NEMP2: variants seen among roughly 807,000 people sequenced by gnomAD.
NEMP2 encodes the protein nuclear envelope integral membrane protein 2.
In NEMP2, 53 loss-of-function variants were observed where a neutral mutation model predicts 54.2. The observed-to-expected ratio is 0.98, with a 90% confidence interval of 0.78 to 1.23. NEMP2 has a LOEUF of 1.23. NEMP2 is among the 50% of genes most tolerant of loss of function. The probability of loss-of-function intolerance (pLI) is 0.00; values close to 1 mark genes in which losing one functional copy is unlikely to be tolerated. For synonymous variants in NEMP2, 197 were observed against 190.3 expected, an observed-to-expected ratio of 1.04 and a Z score of -0.29; for missense variants, 455 against 511.3, an observed-to-expected ratio of 0.89 and a Z score of 1.06.
At chr2:190,574,778 T>TACTTCCCTCCCTTCCCTC in the NEMP2 span, among the ~76,000 whole-genome samples, 2 of 105,626 alleles carry the variant, frequency 1.9e-5, no homozygotes, top group African/African-American at 8.6e-5. Flanking sequence ...CTCCCTTCCC[T>TACTTCCCTCCCTTCCCTC]CCTTCCCTCC....
the NEMP2 span, among the ~76,000 whole-genome samples, chr2:190,468,903 C>G: frequency 6.6e-6 from 1 of 151,972 alleles, no homozygotes; most frequent in African/African-American, 2.4e-5. Flanking sequence ...AAATAGAAAA[C>G]AAGGGAGAAA....
At chr2:190,617,730 A>C in the NEMP2 span, among the ~76,000 whole-genome samples, 1 of 152,226 alleles carries the variant, frequency 6.6e-6, no homozygotes, top group South Asian at 2.1e-4. The surrounding 1 kb of genome is among the most constrained non-coding windows in gnomAD (Gnocchi z 5.0). Flanking sequence ...TATATATTTT[A>C]AAAACAAGTT....
chr2:190,492,008 C>T, the NEMP2 span, among the ~76,000 whole-genome samples: 1 of 152,106 alleles, frequency 6.6e-6, no homozygotes, highest in Non-Finnish European at 1.5e-5. The surrounding 1 kb of genome is among the most constrained non-coding windows in gnomAD (Gnocchi z 5.2). Context: ...TACAGAAATG[C>T]AAAATGTTCT....
At chr2:190,556,067 G>A in the NEMP2 span, among the ~76,000 whole-genome samples, 4 of 152,210 alleles carry the variant, frequency 2.6e-5, no homozygotes, top group Middle Eastern at 3.4e-3. Context: ...ACATTGATGC[G>A]AAAATCCTCC....
downstream of NEMP2, chr2:190,499,933 T>C: frequency 1.9e-6 from 3 of 1,594,834 alleles, no homozygotes; most frequent in South Asian, 2.3e-5. This position sits in a 1 kb window ranked among gnomAD's most constrained non-coding sequence, Gnocchi z 6.0. Context: ...CCATGTTTCC[T>C]GTCTTACTTG....
chr2:190,623,235 A>G, the NEMP2 span, among the ~76,000 whole-genome samples: 1 of 152,216 alleles, frequency 6.6e-6, no homozygotes, highest in Non-Finnish European at 1.5e-5. Flanking sequence ...TAAAATGACC[A>G]TACCGCCCAA....
At position 190,527,115 on chromosome 2, in the gene NEMP2, AT is replaced by A. The variant is rs773323535; in HGVS notation, c.98-1738del. Among the ~76,000 whole-genome samples the A allele has an allele frequency of 9.2e-5, 14 of 152,212 alleles. No individual in the cohort carries two copies. Among genetic ancestry groups the A allele is most frequent in the Admixed American group, 2.0e-4 (3 of 15,290 alleles). On this transcript the variant is annotated intron_variant, in intron 1 of 8. Coordinates refer to ENST00000409150, the MANE Select transcript of NEMP2 (RefSeq NM_001142645.2). This position sits in a 1 kb window ranked among gnomAD's most constrained non-coding sequence, Gnocchi z 4.0. ...TAGGAAACAGGAACAAGGAACACTT[AT>A]GGGTACACAAAGAAATGGGCTTTAC... is the stretch of plus-strand genomic sequence containing the variant.
the NEMP2 span, chr2:190,436,660 A>G: frequency 1.2e-6 from 2 of 1,614,098 alleles, no homozygotes; most frequent in African/African-American, 2.7e-5. This position sits in a 1 kb window ranked among gnomAD's most constrained non-coding sequence, Gnocchi z 5.3. Context: ...TGTCTCAGAC[A>G]CCGTTACTTT....
Position 190,529,191 on chromosome 2 carries a change from CACAA to C in NEMP2, c.98-3817_98-3814del, listed in dbSNP as rs1225236015. ...GACTCTGTCTCAAAACAAAAACAAA[CACAA>C]ACAAACAAAAACATGAATGGGAACC... On this transcript the variant is annotated intron_variant, in intron 1 of 8. Coordinates refer to ENST00000409150, the MANE Select transcript of NEMP2 (RefSeq NM_001142645.2). This position sits in a 1 kb window ranked among gnomAD's most constrained non-coding sequence, Gnocchi z 4.7. Among the ~76,000 whole-genome samples, 1 of 152,076 alleles carries C rather than the reference CACAA, an allele frequency of 6.6e-6. No homozygotes were observed. Among genetic ancestry groups the C allele is most frequent in the African/African-American group, 2.4e-5 (1 of 41,414 alleles).
the NEMP2 span, among the ~76,000 whole-genome samples, chr2:190,438,793 T>C: frequency 6.6e-6 from 1 of 152,246 alleles, no homozygotes; most frequent in African/African-American, 2.4e-5. The surrounding 1 kb of genome is among the most constrained non-coding windows in gnomAD (Gnocchi z 5.2). Flanking sequence ...ATGACAAGAT[T>C]TGACAATCCT....
At chr2:190,498,851 T>C in the NEMP2 span, among the ~76,000 whole-genome samples, 1 of 152,206 alleles carries the variant, frequency 6.6e-6, no homozygotes, top group Non-Finnish European at 1.5e-5. This position sits in a 1 kb window ranked among gnomAD's most constrained non-coding sequence, Gnocchi z 5.9. Flanking sequence ...ATGTTAGGAT[T>C]AATAAATTTT....
At chr2:190,612,610 C>T in the NEMP2 span, among the ~76,000 whole-genome samples, 5 of 152,178 alleles carry the variant, frequency 3.3e-5, no homozygotes, top group African/African-American at 1.2e-4. Context: ...TAGAATTTAA[C>T]ACTCCAAAAT....
chr2:190,439,963 C>G, the NEMP2 span, among the ~76,000 whole-genome samples: 2 of 152,160 alleles, frequency 1.3e-5, no homozygotes, highest in Non-Finnish European at 2.9e-5. The surrounding 1 kb of genome is among the most constrained non-coding windows in gnomAD (Gnocchi z 5.8). Flanking sequence ...TTTAAACTTT[C>G]CACTGGAAGA....
chr2:190,443,280 A>C, the NEMP2 span, among the ~76,000 whole-genome samples: 1 of 152,204 alleles, frequency 6.6e-6, no homozygotes, highest in Non-Finnish European at 1.5e-5. This position sits in a 1 kb window ranked among gnomAD's most constrained non-coding sequence, Gnocchi z 4.2. Flanking sequence ...ACTTGGAACT[A>C]TATGGCCTTG....
At chr2:190,553,445 A>C in the NEMP2 span, 2 of 152,270 alleles carry the variant, frequency 1.3e-5, no homozygotes, top group Non-Finnish European at 2.9e-5. Flanking sequence ...CAGAGGACCC[A>C]CAGGGTGACA....
upstream of NEMP2, among the ~76,000 whole-genome samples, chr2:190,535,318 G>T (rs1053535665): frequency 7.9e-5 from 12 of 152,174 alleles, no homozygotes; most frequent in Non-Finnish European, 1.5e-4. Context: ...CGGCATTTCA[G>T]AGTACAGAGG....
At chr2:190,627,142 T>C in the NEMP2 span, among the ~76,000 whole-genome samples, 1 of 152,242 alleles carries the variant, frequency 6.6e-6, no homozygotes, top group Admixed American at 6.5e-5. The surrounding 1 kb of genome is among the most constrained non-coding windows in gnomAD (Gnocchi z 4.4). Context: ...GGGACATGCA[T>C]GCAGGGACAA....
chr2:190,551,065 G>T, the NEMP2 span, among the ~76,000 whole-genome samples: 41 of 142,684 alleles, frequency 2.9e-4, no homozygotes, highest in Admixed American at 6.5e-4. Flanking sequence ...TGCTGGTTTT[G>T]ACTTCATAGC....
chr2:190,439,626 A>C, the NEMP2 span, among the ~76,000 whole-genome samples: 1 of 152,164 alleles, frequency 6.6e-6, no homozygotes, highest in Non-Finnish European at 1.5e-5. The surrounding 1 kb of genome is among the most constrained non-coding windows in gnomAD (Gnocchi z 5.8). Flanking sequence ...TTAGTTACTC[A>C]TCATTTCAAA....
Sources: gnomAD v4.1 joint callset for allele counts (sites outside exome capture counted in the v4.1 genomes callset) on GRCh38, gnomAD v4.1.1 for gene constraint, Gnocchi (gnomAD v3.1) non-coding constraint, MANE v1.5 for transcripts, NCBI Gene and HGNC (gene_info 2026-07-23, HGNC 2026-07-21) for gene names.